ERBB4: variants seen among roughly 807,000 people sequenced by gnomAD.
The protein encoded by ERBB4 is receptor tyrosine-protein kinase erbB-4.
ERBB4 carries 42 observed loss-of-function variants against 158.0 expected under a neutral mutation model. The observed-to-expected ratio is 0.27, with a 90% CI of 0.21 to 0.34. ERBB4 has a LOEUF of 0.34. ERBB4 is among the 10% of genes least tolerant of loss of function. ERBB4 has a pLI of 1.00. For missense variants in ERBB4, 1,333 were observed against 1,624.1 expected (o/e 0.82, Z 3.08); for synonymous variants, 583 against 558.7 (o/e 1.04, Z -0.61).
rs17416018 is a variant in ERBB4 at position 212,091,790 on chromosome 2, C to T, written c.234+32962G>A. 4.5e-4 allele frequency among the ~76,000 whole-genome samples: 69 copies of T among 152,020 alleles called. No individual in the cohort carries two copies. The East Asian group carries it at 7.0e-3, about 15-fold the overall frequency. On this transcript the variant is annotated intron_variant, in intron 2 of 27. Coordinates refer to ENST00000342788, the MANE Select transcript of ERBB4 (RefSeq NM_005235.3). ...AAAATTATTTTTTGTCTTTTGTTTGCCCATATTTTTGAAATAAACTTGATT... is the reference window on the plus strand; with the variant it reads ...AAAATTATTTTTTGTCTTTTGTTTGTCCATATTTTTGAAATAAACTTGATT...
chr2:212,447,795 T>C (rs1312056373), intron 1 of ERBB4, among the ~76,000 whole-genome samples: 3 of 152,000 alleles, frequency 2.0e-5, no homozygotes, highest in Non-Finnish European at 2.9e-5. Context: ...TGTGTGTGTG[T>C]GTGTGTGTGT....
At chr2:212,476,757 G>T (rs1252985787) in intron 1 of ERBB4, among the ~76,000 whole-genome samples, 3 of 151,958 alleles carry the variant, frequency 2.0e-5, no homozygotes, top group Non-Finnish European at 4.4e-5. Context: ...ATGCAACTGG[G>T]ATCCATAAAA....
chr2:212,062,069 T>A (rs977044708), intron 2 of ERBB4, among the ~76,000 whole-genome samples: 1 of 152,212 alleles, frequency 6.6e-6, no homozygotes, highest in Non-Finnish European at 1.5e-5. Flanking sequence ...AAAAAATCTA[T>A]ATCTGTCAAA....
chr2:212,399,545 C>CATATATATATATATATATATATAT (rs869111881), intron 1 of ERBB4, among the ~76,000 whole-genome samples: 1 of 38,090 alleles, frequency 2.6e-5, no homozygotes, highest in Non-Finnish European at 4.9e-5. Flanking sequence ...TTTATATATA[C>CATATATATATATATATATATATAT]ATATATATAT....
intron 20 of ERBB4, among the ~76,000 whole-genome samples, chr2:211,532,338 C>T (rs2066523741): frequency 6.6e-6 from 1 of 151,862 alleles, no homozygotes; most frequent in Non-Finnish European, 1.5e-5. Context: ...GATTGATACC[C>T]CATTTACCCT....
chr2:211,612,818 T>C (rs1282799651), intron 19 of ERBB4, among the ~76,000 whole-genome samples: 1 of 151,540 alleles, frequency 6.6e-6, no homozygotes, highest in Admixed American at 6.6e-5. Context: ...GACAAAAGAG[T>C]ATAAAAAGAA....
chr2:212,239,397 G>A (rs942158804), intron 1 of ERBB4, among the ~76,000 whole-genome samples: 1 of 152,140 alleles, frequency 6.6e-6, no homozygotes, highest in South Asian at 2.1e-4. Context: ...CTACATTTCT[G>A]ACATGGTTGT....
At chr2:212,204,524 C>A (rs1255974103) in intron 1 of ERBB4, among the ~76,000 whole-genome samples, 1 of 151,732 alleles carries the variant, frequency 6.6e-6, no homozygotes, top group Non-Finnish European at 1.5e-5. Context: ...ATGGTGGAAC[C>A]CCATCTCTAC....
chr2:212,133,740 G>A (rs1433073019), intron 1 of ERBB4, among the ~76,000 whole-genome samples: 3 of 151,530 alleles, frequency 2.0e-5, no homozygotes, highest in African/African-American at 7.3e-5. Flanking sequence ...TGAGGCCAGA[G>A]GATTGCTTCA....
chr2:212,099,552 A>C (rs2079024328), intron 2 of ERBB4, among the ~76,000 whole-genome samples: 2 of 152,164 alleles, frequency 1.3e-5, no homozygotes, highest in Admixed American at 1.3e-4. Context: ...ATTAATAGCT[A>C]TCTCCAATCT....
chr2:211,449,227 G>A (rs1423958115), intron 20 of ERBB4, among the ~76,000 whole-genome samples: 1 of 152,016 alleles, frequency 6.6e-6, no homozygotes, highest in Non-Finnish European at 1.5e-5. Flanking sequence ...TCACAGTATT[G>A]TTCTGAAATG....
chr2:211,966,329 C>A (rs2081310923), intron 2 of ERBB4, among the ~76,000 whole-genome samples: 1 of 152,144 alleles, frequency 6.6e-6, no homozygotes, highest in Non-Finnish European at 1.5e-5. Context: ...GCAACTTCTA[C>A]CTCCCAGGTT....
intron 1 of ERBB4, among the ~76,000 whole-genome samples, chr2:212,346,980 T>C (rs1456957961): frequency 6.6e-6 from 1 of 152,152 alleles, no homozygotes; most frequent in Non-Finnish European, 1.5e-5. Flanking sequence ...CCATGTGGTT[T>C]CTGATATATG....
chr2:212,089,190 AT>A (rs1284497320), intron 2 of ERBB4, among the ~76,000 whole-genome samples: 2 of 152,142 alleles, frequency 1.3e-5, no homozygotes, highest in Admixed American at 1.3e-4. Context: ...AAATAGCTTT[AT>A]TTTTTAAAAT....
At chr2:212,141,520 T>C (rs1412818310) in intron 1 of ERBB4, among the ~76,000 whole-genome samples, 2 of 143,288 alleles carry the variant, frequency 1.4e-5, no homozygotes, top group African/African-American at 5.7e-5. Context: ...TAAGATAGAT[T>C]TTTTTCTTTT....
intron 2 of ERBB4, among the ~76,000 whole-genome samples, chr2:211,955,272 G>A (rs566894163): frequency 4.7e-4 from 72 of 152,086 alleles, no homozygotes; most frequent in African/African-American, 1.6e-3. Context: ...ATCACTGGCC[G>A]CTTAGCCAGC....
At chr2:212,478,792 A>G (rs1404350932) in intron 1 of ERBB4, among the ~76,000 whole-genome samples, 1 of 152,158 alleles carries the variant, frequency 6.6e-6, no homozygotes, top group East Asian at 1.9e-4. Context: ...TTCTCAAAAG[A>G]TAAGTAAAAA....
At chr2:211,553,057 C>G (rs1316713094) in intron 20 of ERBB4, among the ~76,000 whole-genome samples, 18 of 151,886 alleles carry the variant, frequency 1.2e-4, no homozygotes, top group Admixed American at 1.2e-3. Context: ...CAACCTCCAC[C>G]TCCCATGTTC....
chr2:212,396,117 C>G (rs1052571026), intron 1 of ERBB4, among the ~76,000 whole-genome samples: 2 of 152,102 alleles, frequency 1.3e-5, no homozygotes, highest in Non-Finnish European at 2.9e-5. Context: ...CAAATAGAAA[C>G]AGTTGGGAAA....
Sources: allele counts gnomAD v4.1 joint callset (sites outside exome capture counted in the v4.1 genomes callset), GRCh38; gene constraint gnomAD v4.1.1; transcripts MANE v1.5; gene names NCBI Gene and HGNC (gene_info 2026-07-23, HGNC 2026-07-21).